Variants in CA10 observed in about 807,000 individuals in gnomAD.
CA10 encodes the protein carbonic anhydrase-related protein 10.
A neutral mutation model predicts 44.2 loss-of-function variants in CA10; 14 were observed. The observed-to-expected ratio is 0.32, with a 90% CI of 0.21 to 0.50. The LOEUF (loss-of-function observed/expected upper bound fraction) is 0.50, where lower values mean the gene tolerates loss of function less well. Among genes scored for constraint, CA10 ranks in the 20% least tolerant of loss-of-function variants. CA10 has a pLI of 0.99. For missense variants in CA10, 350 were observed against 409.7 expected (o/e 0.85, Z 1.26); for synonymous variants, 159 against 141.6 (o/e 1.12, Z -0.87).
chr17:52,100,491 GA>G (rs1382758465), intron 1 of CA10, among the ~76,000 whole-genome samples: 1 of 152,090 alleles, frequency 6.6e-6, no homozygotes, highest in Non-Finnish European at 1.5e-5. Context: ...AACTACAAGT[GA>G]AAACAAAAAC....
intron 3 of CA10, among the ~76,000 whole-genome samples, chr17:51,920,521 A>G (rs961762557): frequency 6.6e-6 from 1 of 152,198 alleles, no homozygotes; most frequent in African/African-American, 2.4e-5. Context: ...TACCCACAGG[A>G]GGAGTAAAGA....
At chr17:52,004,950 T>C (rs1985547278) in intron 2 of CA10, among the ~76,000 whole-genome samples, 1 of 151,868 alleles carries the variant, frequency 6.6e-6, no homozygotes, top group Non-Finnish European at 1.5e-5. Flanking sequence ...AGAACAAGAC[T>C]CTTTTTCCCC....
chr17:51,906,616 GC>G (rs1357845075), intron 3 of CA10, among the ~76,000 whole-genome samples: 39 of 152,074 alleles, frequency 2.6e-4, no homozygotes, highest in African/African-American at 6.0e-4. Flanking sequence ...TATATCTTCA[GC>G]CCCACTTTCT....
chr17:52,000,862 C>T lies in CA10; in HGVS notation c.137-69730G>A, dbSNP rs180714766. Among the ~76,000 whole-genome samples the T allele has an allele frequency of 1.5e-3, 192 of 125,534 alleles. 1 individual carries two copies. Among genetic ancestry groups the T allele is most frequent in the Non-Finnish European group, 2.2e-3 (139 of 63,836 alleles). 82.4% of individuals were successfully genotyped at this position (125,534 alleles called of 152,430 possible). A position where few individuals can be genotyped will look rare whatever the true frequency, so the allele number is the denominator to read the frequency against. On this transcript the variant is annotated intron_variant, in intron 2 of 8. Transcript: ENST00000451037. ...TATCTCTATGTTGTATCAAGTTAAA[C>T]GGTAATGAGGATTAAAATCTCGACT...
At chr17:51,836,488 GCTGT>G (rs1908481478) in intron 3 of CA10, among the ~76,000 whole-genome samples, 1 of 152,222 alleles carries the variant, frequency 6.6e-6, no homozygotes, top group African/African-American at 2.4e-5. Context: ...CCATGGCCAA[GCTGT>G]CTAAGGGCAG....
chr17:51,646,847 T>C (rs1332748537), intron 6 of CA10, among the ~76,000 whole-genome samples: 4 of 152,210 alleles, frequency 2.6e-5, no homozygotes, highest in African/African-American at 7.2e-5. Context: ...CGGCCATCAT[T>C]ATTCCTGCAG....
chr17:51,912,776 T>C (rs975021422), intron 3 of CA10, among the ~76,000 whole-genome samples: 1 of 152,216 alleles, frequency 6.6e-6, no homozygotes, highest in African/African-American at 2.4e-5. Context: ...AGCAACACTA[T>C]CATATTCTAC....
At chr17:51,633,454 C>G (rs769534404) in intron 8 of CA10, 22 bp downstream of exon 8, 1 of 1,604,512 alleles carries the variant, frequency 6.2e-7, no homozygotes, top group East Asian at 2.2e-5. Flanking sequence ...AGATCCTCCA[C>G]TCTCTGAGCC....
At chr17:52,067,927 C>T (rs762359487) in intron 2 of CA10, among the ~76,000 whole-genome samples, 4 of 152,190 alleles carry the variant, frequency 2.6e-5, no homozygotes, top group East Asian at 1.9e-4. Context: ...ATTTTACAGG[C>T]TCATAGGCAG....
At chr17:51,917,527 A>G (rs183229443) in intron 3 of CA10, among the ~76,000 whole-genome samples, 13 of 152,358 alleles carry the variant, frequency 8.5e-5, no homozygotes, top group Non-Finnish European at 1.6e-4. Context: ...ACAGTTCTGT[A>G]GGCTATATAA....
chr17:51,758,335 T>A (rs1035664487), intron 3 of CA10, among the ~76,000 whole-genome samples: 1 of 152,244 alleles, frequency 6.6e-6, no homozygotes, highest in Non-Finnish European at 1.5e-5. Context: ...GGATGCTAGG[T>A]AGCACCATTG....
At position 52,002,256 on chromosome 17, in the gene CA10, T is replaced by G. The variant is rs182663732; in HGVS notation, c.136+70063A>C. On this transcript the variant is annotated intron_variant, in intron 2 of 8. Coordinates refer to ENST00000451037, the MANE Select transcript of CA10 (RefSeq NM_020178.5). ...AAAAAAATAAAAAACATGAATCTCC[T>G]GGAAATGTTTCTTGGTTGGCCCACT... 7.9e-4 allele frequency among the ~76,000 whole-genome samples: 120 copies of G among 151,912 alleles called. 1 individual carries two copies. Among genetic ancestry groups the G allele is most frequent in the Admixed American group, 6.9e-3 (105 of 15,250 alleles).
rs775450131 is a variant in CA10, at chr17:52,072,363, C to G, written c.92G>C (p.Gly31Ala). 1.7e-5 allele frequency: 27 copies of G among 1,613,320 alleles called. 1 individual carries two copies. Among genetic ancestry groups the G allele is most frequent in the Middle Eastern group, 1.6e-4 (1 of 6,078 alleles). ...GACCACCTCCTTGTATGCCCACCAG[C>G]CTTCATGGATTTTTGGTGAATTCTG... ...AQQNSPKIHE[G>A]WWAYKEVVQG... The change falls in exon 2 of 9, where the codon GGC becomes GCC. Residue 31 changes from glycine (G) to alanine (A), a missense_variant. Physicochemically the swap from Gly to Ala is moderately conservative, Grantham distance 60. Transcript: ENST00000451037.
intron 4 of CA10, among the ~76,000 whole-genome samples, chr17:51,686,368 C>T (rs1249215228): frequency 6.6e-6 from 1 of 152,094 alleles, no homozygotes; most frequent in African/African-American, 2.4e-5. Context: ...GGACTTGGGC[C>T]TTGGCTTTCT....
At chr17:51,647,212 T>A (rs1367638343) in intron 6 of CA10, among the ~76,000 whole-genome samples, 1 of 152,180 alleles carries the variant, frequency 6.6e-6, no homozygotes, top group Non-Finnish European at 1.5e-5. Flanking sequence ...CCACTCCCTC[T>A]GCCCCGTCAC....
At chr17:51,660,637 C>A (rs114684421) in intron 4 of CA10, among the ~76,000 whole-genome samples, 40 of 152,278 alleles carry the variant, frequency 2.6e-4, no homozygotes, top group African/African-American at 8.9e-4. Context: ...CCTTTCTCAG[C>A]GTGATGCTCC....
intron 2 of CA10, among the ~76,000 whole-genome samples, chr17:52,021,262 A>G (rs1168084626): frequency 2.6e-5 from 4 of 152,124 alleles, no homozygotes; most frequent in Admixed American, 1.3e-4. Context: ...TACCACTCCA[A>G]TGAACATCTG....
intron 1 of CA10, among the ~76,000 whole-genome samples, chr17:52,144,854 A>C (rs1299708927): frequency 2.6e-5 from 4 of 152,316 alleles, no homozygotes; most frequent in Non-Finnish European, 1.5e-5. Flanking sequence ...TATGCCAAAC[A>C]CCAGGCTCCA....
intron 3 of CA10, among the ~76,000 whole-genome samples, chr17:51,784,876 T>C (rs1190864257): frequency 6.6e-6 from 1 of 152,234 alleles, no homozygotes; most frequent in Non-Finnish European, 1.5e-5. Context: ...TATTCTTTCA[T>C]TCTAGTTTTT....
Sources: allele counts gnomAD v4.1 joint callset (sites outside exome capture counted in the v4.1 genomes callset), GRCh38; gene constraint gnomAD v4.1.1; transcripts MANE v1.5; gene names NCBI Gene and HGNC (gene_info 2026-07-23, HGNC 2026-07-21).